Variants in BEAN1 observed in about 807,000 individuals in gnomAD.
BEAN1 encodes the protein protein BEAN1.
A neutral mutation model predicts 17.7 loss-of-function variants in BEAN1; 17 were observed. The observed-to-expected ratio is 0.96, with a 90% CI of 0.66 to 1.44. The LOEUF is 1.44. Ranked by LOEUF, BEAN1 falls within the 40% of genes most tolerant of loss-of-function variation. The pLI, the probability that BEAN1 is intolerant of heterozygous loss-of-function variation, is 0.00. For missense variants in BEAN1, 359 were observed against 374.1 expected (o/e 0.96, Z 0.33); for synonymous variants, 142 against 151.8 (o/e 0.94, Z 0.47).
Position 66,469,700 on chromosome 16 carries a change from G to A in BEAN1, c.124G>A (p.Val42Ile), listed in dbSNP as rs755281092. Residue 42 changes from valine to isoleucine, a missense_variant, in exon 3 of 5, where the codon GTC becomes ATC. Val to Ile is a conservative substitution (Grantham distance 29). Coordinates refer to ENST00000536005, the MANE Select transcript of BEAN1 (RefSeq NM_001178020.3). ...LVSPVLVASA[V>I]IGVVIILSCI... ...GTCCCCCGTGCTGGTGGCGAGTGCC[G>A]TCATAGGTGTGGTCATCATCCTCTC... is the stretch of plus-strand genomic sequence containing the variant. 113 of 1,535,976 alleles carry A rather than the reference G, an allele frequency of 7.4e-5. No homozygotes were observed. Among genetic ancestry groups the A allele is most frequent in the Admixed American group, 3.3e-4 (17 of 50,984 alleles).
chr16:66,491,628 A>G (rs1215408409), intron 4 of BEAN1, among the ~76,000 whole-genome samples: 1 of 151,824 alleles, frequency 6.6e-6, no homozygotes, highest in Non-Finnish European at 1.5e-5. Flanking sequence ...ACAGAAGACA[A>G]TTTTTCCACA....
rs562309109 is a variant in BEAN1 at position 66,429,153 on chromosome 16, G to A, written c.-83+1722G>A. On this transcript the variant is annotated intron_variant, in intron 1 of 4. Coordinates refer to ENST00000536005, the MANE Select transcript of BEAN1 (RefSeq NM_001178020.3). ...GGCTGTCAGGTGGCTTGGACACACC[G>A]ATGGTGACGGTTCAGACAGGCAGCA... Among the ~76,000 whole-genome samples, 22 of 152,316 alleles carry A rather than the reference G, an allele frequency of 1.4e-4. 1 individual carries two copies. In the South Asian group the frequency reaches 4.1e-3, roughly 29 times the overall value.
At chr16:66,435,802 T>C (rs1961992092) in intron 1 of BEAN1, among the ~76,000 whole-genome samples, 1 of 152,170 alleles carries the variant, frequency 6.6e-6, no homozygotes, top group South Asian at 2.1e-4. Flanking sequence ...AACTGGTTTT[T>C]CTATTTAACG....
intron 2 of BEAN1, among the ~76,000 whole-genome samples, chr16:66,464,924 C>T (rs1289906082): frequency 1.3e-5 from 2 of 152,050 alleles, no homozygotes; most frequent in South Asian, 2.1e-4. Flanking sequence ...CTAGAATCTC[C>T]GATATAATGT....
intron 2 of BEAN1, among the ~76,000 whole-genome samples, chr16:66,450,596 T>C (rs1962636346): frequency 6.6e-6 from 1 of 152,158 alleles, no homozygotes; most frequent in Non-Finnish European, 1.5e-5. Context: ...TACACACCTA[T>C]AGTCCCAGCT....
At chr16:66,493,096 G>C (rs1302639562) in exon 5 of BEAN1, 1 of 702,874 alleles carries the variant, frequency 1.4e-6, no homozygotes, top group African/African-American at 1.7e-5. Flanking sequence ...TCAGCAAAGA[G>C]AATGTCAAGC....
rs35721774 is a variant in BEAN1, at chr16:66,449,606, C to CAAAAA, written c.25+11922_25+11926dup. On this transcript the variant is annotated intron_variant, in intron 2 of 4. Coordinates refer to ENST00000536005, the MANE Select transcript of BEAN1 (RefSeq NM_001178020.3). ...TGGGTGGCAGAGTGAGACTCCATCT[C>CAAAAA]AAAAAAAAAAAAAAAAAAAAATCAC... is the stretch of plus-strand genomic sequence containing the variant. Among the ~76,000 whole-genome samples the CAAAAA allele has an allele frequency of 5.4e-4, 45 of 82,952 alleles. 1 individual carries two copies. Among genetic ancestry groups the CAAAAA allele is most frequent in the Admixed American group, 7.4e-4 (5 of 6,722 alleles). The allele number at this position is 82,952 out of a possible 152,430, so 54.4% of individuals were successfully genotyped here.
chr16:66,483,086 C>A (rs561920148), downstream of BEAN1: 36 of 344,246 alleles, frequency 1.0e-4, no homozygotes, highest in Non-Finnish European at 1.8e-4. Context: ...AGTTGAAACT[C>A]CTGGTCTCAA....
chr16:66,485,154 T>G (rs1053049525), downstream of BEAN1: 2 of 452,554 alleles, frequency 4.4e-6, no homozygotes, highest in South Asian at 1.6e-5. Flanking sequence ...GAACATCCAT[T>G]GTCACACTGG....
At chr16:66,494,507 TC>T (rs1280137379), downstream of BEAN1, among the ~76,000 whole-genome samples, 1 of 152,138 alleles carries the variant, frequency 6.6e-6, no homozygotes, top group Non-Finnish European at 1.5e-5. Context: ...AGGTTTTCTG[TC>T]CTCTTCATGT....
downstream of BEAN1, chr16:66,484,562 G>A (rs1311076527): frequency 2.2e-6 from 1 of 453,988 alleles, no homozygotes; most frequent in Non-Finnish European, 4.4e-6. This position sits in a 1 kb window ranked among gnomAD's most constrained non-coding sequence, Gnocchi z 4.2. Flanking sequence ...CCAAGGAGAT[G>A]GAAGGTGAAG....
chr16:66,480,108 C>T (rs1963928158), intron 4 of BEAN1, among the ~76,000 whole-genome samples: 1 of 152,162 alleles, frequency 6.6e-6, no homozygotes, highest in South Asian at 2.1e-4. Flanking sequence ...GTGGTGCTGC[C>T]AGTCCTTTCG....
intron 3 of BEAN1, among the ~76,000 whole-genome samples, chr16:66,474,623 AG>A (rs1438009643): frequency 1.5e-4 from 3 of 20,656 alleles, no homozygotes; most frequent in African/African-American, 3.7e-4. Context: ...GGAGGAAGGG[AG>A]GGAGGGAGGG....
chr16:66,432,922 C>G (rs529709845), intron 1 of BEAN1, among the ~76,000 whole-genome samples: 10 of 152,258 alleles, frequency 6.6e-5, no homozygotes, highest in African/African-American at 2.4e-4. Context: ...AACCATCTAA[C>G]AGTGCAATTC....
In BEAN1 at chr16:66,467,922, G is replaced by A. The variant is rs972263768; in HGVS notation, c.26-1680G>A. Among the ~76,000 whole-genome samples, 8 of 152,250 alleles carry A rather than the reference G, an allele frequency of 5.3e-5. No individual in the cohort carries two copies. In the East Asian group the frequency reaches 5.8e-4, roughly 11 times the overall value. ...TGTTTCTAGCCCCAGCTAAGGTCCC[G>A]AGTTTGTGCTTTACCACCTGTTCCT... On this transcript the variant is annotated intron_variant, in intron 2 of 4. Transcript: ENST00000536005.
chr16:66,494,626 G>A (rs1964221503), downstream of BEAN1, among the ~76,000 whole-genome samples: 1 of 152,140 alleles, frequency 6.6e-6, no homozygotes, highest in African/African-American at 2.4e-5. Context: ...AATAAAGAGG[G>A]CATAGATGTG....
At chr16:66,490,700 G>A (rs1175927773) in intron 4 of BEAN1, among the ~76,000 whole-genome samples, 4 of 152,096 alleles carry the variant, frequency 2.6e-5, no homozygotes, top group Non-Finnish European at 4.4e-5. Flanking sequence ...CATTACTGGG[G>A]ATATCTGGAT....
At chr16:66,464,911 T>A (rs1243481274) in intron 2 of BEAN1, among the ~76,000 whole-genome samples, 1 of 152,238 alleles carries the variant, frequency 6.6e-6, no homozygotes, top group Non-Finnish European at 1.5e-5. Flanking sequence ...TAAATTGCCC[T>A]GGCTAGAATC....
chr16:66,460,598 C>G (rs1048148644), intron 2 of BEAN1, among the ~76,000 whole-genome samples: 1 of 152,192 alleles, frequency 6.6e-6, no homozygotes, highest in African/African-American at 2.4e-5. Flanking sequence ...ATCCTGGTAT[C>G]TTATGGCAAT....
Sources: gnomAD v4.1 joint callset for allele counts (sites outside exome capture counted in the v4.1 genomes callset) on GRCh38, gnomAD v4.1.1 for gene constraint, Gnocchi (gnomAD v3.1) non-coding constraint, MANE v1.5 for transcripts, NCBI Gene and HGNC (gene_info 2026-07-23, HGNC 2026-07-21) for gene names.